The following GSN variants were observed in gnomAD, a reference collection of about 807,000 sequenced individuals.
GSN encodes the protein actin-depolymerizing factor.
A neutral mutation model predicts 85.7 loss-of-function variants in GSN; 56 were observed. The observed-to-expected ratio is 0.65, with a 90% CI of 0.53 to 0.82. The LOEUF (loss-of-function observed/expected upper bound fraction) is 0.82, where lower values mean the gene tolerates loss of function less well. Among genes scored for constraint, GSN ranks in the 40% least tolerant of loss-of-function variants. The pLI, the probability that GSN is intolerant of heterozygous loss-of-function variation, is 0.00. For missense variants in GSN, 857 were observed against 979.8 expected (o/e 0.87, Z 1.67); for synonymous variants, 373 against 399.1 (o/e 0.93, Z 0.78).
chr9:121,214,362 T>G (rs1405066785), intron 4 of GSN, among the ~76,000 whole-genome samples: 1 of 152,126 alleles, frequency 6.6e-6, no homozygotes, highest in Non-Finnish European at 1.5e-5. Context: ...AGGGTAGATG[T>G]TAGTTCTACA....
Position 121,291,375 on chromosome 9 carries a change from T to C in GSN, c.-10+9813T>C, listed in dbSNP as rs548181337. On this transcript the variant is annotated intron_variant, in intron 2 of 17. Transcript: ENST00000432226. ...CTGGAACCAACTGATCCCGCGTGGA[T>C]AGGGAGGGACAACTATTCTCTGATA... 3.3e-5 allele frequency among the ~76,000 whole-genome samples: 5 copies of C among 151,448 alleles called. No individual in the cohort carries two copies. The South Asian group carries it at 1.0e-3, about 32-fold the overall frequency.
upstream of GSN, among the ~76,000 whole-genome samples, chr9:121,267,051 T>C (rs1384604400): frequency 6.6e-6 from 1 of 152,310 alleles, no homozygotes; most frequent in African/African-American, 2.4e-5. Context: ...GAGGGAGCTT[T>C]ACCCTGGCTG....
intron 6 of GSN, among the ~76,000 whole-genome samples, chr9:121,250,397 G>A (rs1314611603): frequency 1.3e-5 from 2 of 151,982 alleles, no homozygotes; most frequent in African/African-American, 2.4e-5. Flanking sequence ...GTAGAGACGG[G>A]GTTTCACCAT....
upstream of GSN, among the ~76,000 whole-genome samples, chr9:121,203,942 A>G (rs1017290670): frequency 5.3e-5 from 8 of 152,234 alleles, no homozygotes; most frequent in East Asian, 1.9e-4. Context: ...TTTAATAAGT[A>G]TAGTTTGTTG....
intron 2 of GSN, among the ~76,000 whole-genome samples, chr9:121,300,482 C>T (rs573486443): frequency 2.3e-4 from 35 of 152,176 alleles, no homozygotes; most frequent in African/African-American, 8.4e-4. Context: ...CTTCCCTGCC[C>T]TGTCTGGTTT....
At chr9:121,213,400 G>A (rs1479044297) in intron 4 of GSN, among the ~76,000 whole-genome samples, 1 of 152,222 alleles carries the variant, frequency 6.6e-6, no homozygotes. Flanking sequence ...ACCAGAGGGC[G>A]CAGCAGGCCC....
chr9:121,226,945 T>C (rs1234791769), intron 4 of GSN, among the ~76,000 whole-genome samples: 1 of 152,170 alleles, frequency 6.6e-6, no homozygotes, highest in Non-Finnish European at 1.5e-5. Flanking sequence ...TGAGGTTCAG[T>C]GAGCTTCTGG....
chr9:121,212,868 C>G (rs1485208117), intron 4 of GSN, among the ~76,000 whole-genome samples: 1 of 152,050 alleles, frequency 6.6e-6, no homozygotes, highest in African/African-American at 2.4e-5. Flanking sequence ...AGGCTGGTCT[C>G]AAACTTCTGA....
In GSN at chr9:121,332,588, T is replaced by A; in HGVS notation, c.2181T>A (p.Ala727=). 6.2e-7 allele frequency: 1 copy of A among 1,613,716 alleles called. No individual in the cohort carries two copies. ...TGGACCCCTTGGACAGGGCCATGGC[T>A]GAGCTGGCTGCCTGAGGAGGGGCAG... ...WSVDPLDRAM[A]ELAA The change falls in exon 18 of 18, where the codon GCT becomes GCA. Residue 727 remains alanine, a synonymous_variant. Coordinates refer to ENST00000432226, the MANE Select transcript of GSN (RefSeq NM_198252.3). The surrounding 1 kb of genome is among the most constrained non-coding windows in gnomAD (Gnocchi z 4.8).
At chr9:121,286,031 G>A (rs1347389370) in intron 2 of GSN, 13 of 1,199,318 alleles carry the variant, frequency 1.1e-5, no homozygotes, top group African/African-American at 3.0e-5. Flanking sequence ...TGATGCCTGC[G>A]GAGTTGGCTT....
intron 4 of GSN, among the ~76,000 whole-genome samples, chr9:121,221,273 C>CA (rs935333145): frequency 3.7e-4 from 56 of 152,108 alleles, no homozygotes; most frequent in African/African-American, 1.3e-3. Flanking sequence ...ATGTTCTTCC[C>CA]AAAATAAAAA....
At chr9:121,218,958 C>T (rs1455886655) in intron 4 of GSN, among the ~76,000 whole-genome samples, 1 of 152,204 alleles carries the variant, frequency 6.6e-6, no homozygotes. Flanking sequence ...TAATATTCAT[C>T]TCCCAGGGTC....
At chr9:121,224,285 G>A (rs2054230646) in intron 4 of GSN, among the ~76,000 whole-genome samples, 1 of 152,006 alleles carries the variant, frequency 6.6e-6, no homozygotes, top group East Asian at 1.9e-4. Flanking sequence ...ATTTTTAGTA[G>A]AGACGGGGTT....
chr9:121,299,897 C>CGCGCTGTCCCTG lies in GSN; in HGVS notation c.-9-2058_-9-2047dup, dbSNP rs1371504521. ...ACCGCCCCGCGCCCGCGCTGCTTTG[C>CGCGCTGTCCCTG]GCGCTGTCCCTGGCGCTGTGCGCGC... is the stretch of plus-strand genomic sequence containing the variant. On this transcript the variant is annotated intron_variant, in intron 2 of 17. Coordinates refer to ENST00000432226, the MANE Select transcript of GSN (RefSeq NM_198252.3). The surrounding 1 kb of genome is among the most constrained non-coding windows in gnomAD (Gnocchi z 4.2). 1.1e-5 allele frequency: 14 copies of CGCGCTGTCCCTG among 1,313,640 alleles called. No individual in the cohort carries two copies. In the African/African-American group the frequency reaches 2.2e-4, roughly 20 times the overall value. 81.4% of individuals were successfully genotyped at this position (1,313,640 alleles called of 1,614,324 possible).
At chr9:121,222,029 T>C (rs1380760445) in intron 4 of GSN, among the ~76,000 whole-genome samples, 1 of 152,084 alleles carries the variant, frequency 6.6e-6, no homozygotes, top group Non-Finnish European at 1.5e-5. Flanking sequence ...TCTCCTCCCA[T>C]CCCAAAGGAC....
chr9:121,239,694 A>T (rs866481756), intron 5 of GSN: 1 of 305,072 alleles, frequency 3.3e-6, no homozygotes, highest in South Asian at 3.5e-5. Flanking sequence ...TTCAGCCAGT[A>T]CAAGAGGACC....
rs371165744 is a variant in GSN, at chr9:121,302,939, G to C, written c.225G>C (p.Gly75=). ...LGNECSQDES[G]AAAIFTVQLD... The stretch of plus-strand genomic sequence containing the variant: ...ATGAGTGCAGCCAGGATGAGAGCGG[G>C]GCGGCCGCCATCTTTACCGTGCAGC... Residue 75 remains glycine, a synonymous_variant, in exon 4 of 18, where the codon GGG becomes GGC. Coordinates refer to ENST00000432226, the MANE Select transcript of GSN (RefSeq NM_198252.3). The C allele has an allele frequency of 6.2e-7, 1 of 1,613,858 alleles. No homozygotes were observed. Among genetic ancestry groups the C allele is most frequent in the Non-Finnish European group, 8.5e-7 (1 of 1,180,030 alleles).
At chr9:121,268,067 A>AC (rs1312122874), upstream of GSN, 1 of 148,754 alleles carries the variant, frequency 6.7e-6, no homozygotes, top group Non-Finnish European at 1.5e-5. Flanking sequence ...CTCCTCCCCC[A>AC]CCCGCCTGCC....
At chr9:121,205,247 G>C (rs2053864093), upstream of GSN, among the ~76,000 whole-genome samples, 1 of 152,228 alleles carries the variant, frequency 6.6e-6, no homozygotes, top group Admixed American at 6.5e-5. Context: ...TGGAGACATG[G>C]GAGGGAAGTC....
Sources: gnomAD v4.1 joint callset for allele counts (sites outside exome capture counted in the v4.1 genomes callset) on GRCh38, gnomAD v4.1.1 for gene constraint, Gnocchi (gnomAD v3.1) non-coding constraint, MANE v1.5 for transcripts, NCBI Gene and HGNC (gene_info 2026-07-23, HGNC 2026-07-21) for gene names.